CSMD1: variants seen among roughly 807,000 people sequenced by gnomAD.
The protein encoded by CSMD1 is CUB and Sushi multiple domains 1, also known as CUB and sushi domain-containing protein 1.
In CSMD1, 213 loss-of-function variants were observed where a neutral mutation model predicts 417.5. The observed-to-expected ratio is 0.51, with a 90% confidence interval of 0.46 to 0.57. The LOEUF is 0.57. Among genes scored for constraint, CSMD1 ranks in the 20% least tolerant of loss-of-function variants. The pLI is 0.00. For missense variants in CSMD1, 6,923 were observed against 4,529.7 expected (o/e 1.53, Z -15.17); for synonymous variants, 2,862 against 1,736.8 (o/e 1.65, Z -16.11).
At chr8:4,038,217 T>C (rs958137595) in intron 3 of CSMD1, among the ~76,000 whole-genome samples, 9 of 152,266 alleles carry the variant, frequency 5.9e-5, no homozygotes, top group Middle Eastern at 3.4e-3. Context: ...TAAAAAGTTT[T>C]TGTAAAAATT....
intron 1 of CSMD1, among the ~76,000 whole-genome samples, chr8:4,888,046 C>G (rs552436179): frequency 1.3e-5 from 2 of 152,002 alleles, no homozygotes; most frequent in East Asian, 3.9e-4. Flanking sequence ...TATGCCACTT[C>G]TAGGAATTTA....
At chr8:4,484,846 G>A (rs372567153) in intron 2 of CSMD1, among the ~76,000 whole-genome samples, 16 of 151,746 alleles carry the variant, frequency 1.1e-4, no homozygotes, top group South Asian at 4.2e-4. Flanking sequence ...GGTGGCAGGC[G>A]CCTGTAGTCC....
chr8:3,041,274 A>G (rs1472484183), intron 50 of CSMD1, among the ~76,000 whole-genome samples: 1 of 152,198 alleles, frequency 6.6e-6, no homozygotes, highest in South Asian at 2.1e-4. Flanking sequence ...GCAAAAATAT[A>G]TCCCGTAAAA....
chr8:4,196,926 T>G (rs7840388), intron 3 of CSMD1, among the ~76,000 whole-genome samples: 1,580 of 152,346 alleles, frequency 0.01, 30 homozygotes, highest in African/African-American at 0.032. Flanking sequence ...TTTGTTCATG[T>G]TAAAATTTGT....
intron 4 of CSMD1, among the ~76,000 whole-genome samples, chr8:4,005,681 C>T (rs1441481045): frequency 1.3e-5 from 2 of 152,228 alleles, no homozygotes; most frequent in African/African-American, 2.4e-5. Context: ...CTTCCCACTT[C>T]AAACAACAGA....
chr8:3,378,015 T>A (rs1312534075), intron 18 of CSMD1, among the ~76,000 whole-genome samples: 2 of 152,180 alleles, frequency 1.3e-5, no homozygotes, highest in African/African-American at 2.4e-5. Context: ...TCATCAAGGC[T>A]GAGTGTGACC....
intron 3 of CSMD1, among the ~76,000 whole-genome samples, chr8:4,033,007 G>A (rs1210982579): frequency 2.0e-5 from 3 of 151,904 alleles, no homozygotes; most frequent in Non-Finnish European, 2.9e-5. Context: ...CTGCTACCTG[G>A]AGGCTTTGTA....
chr8:4,113,172 C>G (rs1454676864), intron 3 of CSMD1, among the ~76,000 whole-genome samples: 1 of 152,024 alleles, frequency 6.6e-6, no homozygotes, highest in Non-Finnish European at 1.5e-5. Context: ...GCCTTCCTAG[C>G]CCCAGAGACA....
At chr8:4,315,368 G>A (rs992572395) in intron 3 of CSMD1, among the ~76,000 whole-genome samples, 1 of 152,178 alleles carries the variant, frequency 6.6e-6, no homozygotes, top group African/African-American at 2.4e-5. Flanking sequence ...GCAGGTACCA[G>A]CCTGCCTCAT....
intron 3 of CSMD1, among the ~76,000 whole-genome samples, chr8:4,130,783 T>A (rs1323942382): frequency 6.6e-6 from 1 of 151,938 alleles, no homozygotes; most frequent in Non-Finnish European, 1.5e-5. Flanking sequence ...TGTAACAAAA[T>A]CTGTCAATGC....
Position 3,040,152 on chromosome 8 carries a change from G to C in CSMD1, c.7661-10639C>G, listed in dbSNP as rs76822537. ...AAGTCAGGCTCTAGAATTTGGAGAA[G>C]ATGGAAAGATTGAAAGAAGGAACGA... On this transcript the variant is annotated intron_variant, in intron 50 of 69. Transcript: ENST00000635120. Among the ~76,000 whole-genome samples the C allele has an allele frequency of 8.4e-3, 1,282 of 152,202 alleles. 12 individuals carry two copies. The highest frequency in any genetic ancestry group is 0.03 in the African/African-American group (1,235 of 41,544).
chr8:3,531,243 C>G (rs1310803210), intron 10 of CSMD1, among the ~76,000 whole-genome samples: 3 of 152,120 alleles, frequency 2.0e-5, no homozygotes, highest in Admixed American at 1.3e-4. Flanking sequence ...AGGTCCCTCC[C>G]ATTTCCTCTG....
At chr8:4,353,227 C>T (rs559490449) in intron 3 of CSMD1, among the ~76,000 whole-genome samples, 15 of 152,196 alleles carry the variant, frequency 9.9e-5, no homozygotes, top group African/African-American at 2.6e-4. Flanking sequence ...ATCATGACGA[C>T]GGTTTCCCCC....
chr8:4,961,487 T>C (rs1809481014), intron 1 of CSMD1, among the ~76,000 whole-genome samples: 1 of 152,150 alleles, frequency 6.6e-6, no homozygotes, highest in Non-Finnish European at 1.5e-5. Flanking sequence ...TCCAATGACA[T>C]TTTATTCAGC....
intron 40 of CSMD1, among the ~76,000 whole-genome samples, chr8:3,147,004 T>C (rs1563085652): frequency 2.6e-5 from 4 of 152,164 alleles, no homozygotes; most frequent in Admixed American, 6.5e-5. Context: ...TATATTTTTC[T>C]TCAAGAAGGG....
At chr8:3,823,760 C>G (rs1236039535) in intron 5 of CSMD1, among the ~76,000 whole-genome samples, 1 of 152,040 alleles carries the variant, frequency 6.6e-6, no homozygotes, top group African/African-American at 2.4e-5. Flanking sequence ...ATGTTTTTCT[C>G]TAAAATACTT....
intron 5 of CSMD1, among the ~76,000 whole-genome samples, chr8:3,876,197 G>A (rs1805804567): frequency 6.6e-6 from 1 of 152,122 alleles, no homozygotes; most frequent in Non-Finnish European, 1.5e-5. Context: ...TGAAAGGAGG[G>A]GAGGGGAAAA....
intron 3 of CSMD1, among the ~76,000 whole-genome samples, chr8:4,189,296 C>A (rs770171077): frequency 1.3e-5 from 2 of 152,106 alleles, no homozygotes; most frequent in African/African-American, 4.8e-5. Context: ...CTCAAGAAAA[C>A]ATGTTGAGTA....
chr8:4,384,141 C>A (rs1182149100), intron 3 of CSMD1, among the ~76,000 whole-genome samples: 1 of 152,156 alleles, frequency 6.6e-6, no homozygotes, highest in Non-Finnish European at 1.5e-5. Context: ...CATACTTGAG[C>A]CTCCTCCCTT....
Sources: allele counts gnomAD v4.1 joint callset (sites outside exome capture counted in the v4.1 genomes callset), GRCh38; gene constraint gnomAD v4.1.1; transcripts MANE v1.5; gene names NCBI Gene and HGNC (gene_info 2026-07-23, HGNC 2026-07-21).